The following TRPM3 variants were observed in gnomAD, a reference collection of about 807,000 sequenced individuals.
The protein encoded by TRPM3 is transient receptor potential cation channel subfamily M member 3.
Under a neutral mutation model 181.2 loss-of-function variants are expected in TRPM3, and 77 were observed. The observed-to-expected ratio is 0.42, with a 90% CI of 0.35 to 0.51. The LOEUF (loss-of-function observed/expected upper bound fraction) is 0.51, where lower values mean the gene tolerates loss of function less well. Among genes scored for constraint, TRPM3 ranks in the 20% least tolerant of loss-of-function variants. The pLI, the probability that TRPM3 is intolerant of heterozygous loss-of-function variation, is 0.01. For missense variants in TRPM3, 1,759 were observed against 2,196.7 expected (o/e 0.80, Z 3.98); for synonymous variants, 745 against 796.4 (o/e 0.94, Z 1.09).
At chr9:71,343,696 A>T (rs997702959) in intron 1 of TRPM3, among the ~76,000 whole-genome samples, 3 of 152,160 alleles carry the variant, frequency 2.0e-5, no homozygotes, top group African/African-American at 7.2e-5. Flanking sequence ...ATAACATCTC[A>T]GGAGCAGCAA....
At chr9:71,045,181 C>G (rs943995621) in intron 1 of TRPM3, among the ~76,000 whole-genome samples, 1 of 151,964 alleles carries the variant, frequency 6.6e-6, no homozygotes, top group Non-Finnish European at 1.5e-5. Flanking sequence ...ACTGCAACCT[C>G]CACCTCCTGG....
intron 6 of TRPM3, among the ~76,000 whole-genome samples, chr9:70,792,925 A>G (rs2085876035): frequency 6.6e-6 from 1 of 152,220 alleles, no homozygotes; most frequent in Admixed American, 6.5e-5. Context: ...AAAATTCAAA[A>G]TACAACTGAA....
chr9:70,576,508 CTTTTT>C (rs897195308), intron 22 of TRPM3, among the ~76,000 whole-genome samples: 2 of 138,912 alleles, frequency 1.4e-5, no homozygotes, highest in Admixed American at 1.4e-4. Flanking sequence ...CCTCCTTCTT[CTTTTT>C]TTTTTTTTTT....
intron 6 of TRPM3, among the ~76,000 whole-genome samples, chr9:70,812,833 T>C (rs2092266971): frequency 6.6e-6 from 1 of 152,158 alleles, no homozygotes; most frequent in Admixed American, 6.5e-5. Context: ...TCAAGTGGGG[T>C]GAGATTAGTG....
At chr9:71,301,119 CCTCAGGGAACTGT>C (rs2086731365) in intron 1 of TRPM3, among the ~76,000 whole-genome samples, 1 of 152,054 alleles carries the variant, frequency 6.6e-6, no homozygotes, top group Admixed American at 6.6e-5. Context: ...GAATACCTGC[CCTCAGGGAACTGT>C]CTCAGAGCAA....
chr9:71,316,803 T>C (rs2088636801), intron 1 of TRPM3, among the ~76,000 whole-genome samples: 1 of 152,140 alleles, frequency 6.6e-6, no homozygotes, highest in African/African-American at 2.4e-5. Flanking sequence ...ATTAAGATTG[T>C]GGGAATTAAT....
At chr9:70,801,068 C>G (rs2088859053) in intron 6 of TRPM3, among the ~76,000 whole-genome samples, 1 of 152,138 alleles carries the variant, frequency 6.6e-6, no homozygotes, top group Non-Finnish European at 1.5e-5. Context: ...ATTTATCATA[C>G]AATTAGGACA....
intron 1 of TRPM3, among the ~76,000 whole-genome samples, chr9:71,033,803 T>A (rs2057838227): frequency 2.6e-5 from 4 of 152,208 alleles, no homozygotes; most frequent in Admixed American, 2.6e-4. Flanking sequence ...TGCATTCATT[T>A]GTTCAGTTTC....
chr9:71,063,035 T>C lies in TRPM3; in HGVS notation c.177+58143A>G, dbSNP rs189264887. The stretch of plus-strand genomic sequence containing the variant: ...GAGAAAAATGGCAATAAAATATTGA[T>C]GAGACAAGAACTGACATGGAAGACA... On this transcript the variant is annotated intron_variant, in intron 1 of 25. Transcript: ENST00000677713. Among the ~76,000 whole-genome samples, 417 of 152,246 alleles carry C rather than the reference T, an allele frequency of 2.7e-3. 4 individuals carry two copies. The highest frequency in any genetic ancestry group is 9.5e-3 in the African/African-American group (395 of 41,554).
intron 1 of TRPM3, among the ~76,000 whole-genome samples, chr9:71,280,263 C>T (rs2084599511): frequency 6.6e-6 from 1 of 152,026 alleles, no homozygotes; most frequent in South Asian, 2.1e-4. Flanking sequence ...GTCACGTGAA[C>T]CACTAAAATT....
chr9:70,571,932 C>T (rs529752108), intron 22 of TRPM3, among the ~76,000 whole-genome samples: 1 of 152,144 alleles, frequency 6.6e-6, no homozygotes, highest in Non-Finnish European at 1.5e-5. Context: ...CCCCTTGAAG[C>T]CTGATTGACT....
At chr9:70,687,239 C>CT (rs1285130760) in intron 8 of TRPM3, among the ~76,000 whole-genome samples, 1 of 151,974 alleles carries the variant, frequency 6.6e-6, no homozygotes, top group Non-Finnish European at 1.5e-5. Context: ...GTGATTTTGT[C>CT]TTTTTTGTGT....
intron 8 of TRPM3, among the ~76,000 whole-genome samples, chr9:70,739,915 C>T (rs1004945041): frequency 2.0e-5 from 3 of 152,014 alleles, no homozygotes; most frequent in Non-Finnish European, 2.9e-5. Context: ...CCAGGCCCAG[C>T]TGGATGCCCA....
chr9:70,886,252 T>C (rs540810951), intron 1 of TRPM3, among the ~76,000 whole-genome samples: 2 of 152,224 alleles, frequency 1.3e-5, no homozygotes, highest in South Asian at 2.1e-4. Flanking sequence ...CTTTAATAGA[T>C]ATAAATTAAA....
chr9:70,638,678 G>T (rs537882182), intron 11 of TRPM3, among the ~76,000 whole-genome samples: 3 of 152,138 alleles, frequency 2.0e-5, no homozygotes, highest in Admixed American at 6.5e-5. Flanking sequence ...AAAAAATGGC[G>T]CAGGTTACTT....
intron 3 of TRPM3, among the ~76,000 whole-genome samples, chr9:70,858,007 T>C (rs1040059930): frequency 5.9e-5 from 9 of 152,162 alleles, no homozygotes; most frequent in Admixed American, 3.9e-4. Context: ...TGAGCAGAGA[T>C]GTGGCTCACA....
At chr9:71,317,652 A>G (rs373298350) in intron 1 of TRPM3, among the ~76,000 whole-genome samples, 1 of 142,756 alleles carries the variant, frequency 7.0e-6, no homozygotes, top group Non-Finnish European at 1.5e-5. Flanking sequence ...AAAAAAAAAA[A>G]AAGAAAAAGA....
intron 1 of TRPM3, among the ~76,000 whole-genome samples, chr9:71,349,699 A>G (rs574421845): frequency 9.2e-5 from 14 of 152,262 alleles, no homozygotes; most frequent in African/African-American, 3.4e-4. Flanking sequence ...CTTTTGACCA[A>G]TGTCAAAATA....
At chr9:71,315,960 T>A (rs1448166820) in intron 1 of TRPM3, among the ~76,000 whole-genome samples, 1 of 152,182 alleles carries the variant, frequency 6.6e-6, no homozygotes, top group Non-Finnish European at 1.5e-5. Flanking sequence ...ACCCTAAATA[T>A]ACTCTAGGCA....
Sources: allele counts gnomAD v4.1 joint callset (sites outside exome capture counted in the v4.1 genomes callset), GRCh38; gene constraint gnomAD v4.1.1; transcripts MANE v1.5; gene names NCBI Gene and HGNC (gene_info 2026-07-23, HGNC 2026-07-21).